Variants in ZNF529 observed in about 807,000 individuals in gnomAD.
The protein encoded by ZNF529 is zinc finger protein 529.
A neutral mutation model predicts 10.1 loss-of-function variants in ZNF529; 11 were observed. That is an observed-to-expected ratio of 1.09 (90% CI 0.69 to 1.81). The LOEUF is 1.81. Ranked by LOEUF, ZNF529 falls within the 40% of genes most tolerant of loss-of-function variation. The pLI, the probability that ZNF529 is intolerant of heterozygous loss-of-function variation, is 0.00. For missense variants in ZNF529, 624 were observed against 666.8 expected (o/e 0.94, Z 0.71); for synonymous variants, 204 against 215.7 (o/e 0.95, Z 0.47).
intron 1 of ZNF529, among the ~76,000 whole-genome samples, chr19:36,600,437 C>T (rs970392616): frequency 5.3e-5 from 8 of 152,130 alleles, no homozygotes; most frequent in Admixed American, 5.2e-4. Context: ...TGTACTTTTG[C>T]TCACAAATAT....
chr19:36,583,420 A>G (rs2036513860), intron 2 of ZNF529, among the ~76,000 whole-genome samples: 1 of 152,110 alleles, frequency 6.6e-6, no homozygotes, highest in South Asian at 2.1e-4. Flanking sequence ...CTCCACTGAA[A>G]CCCCTGCAAC....
At position 36,546,127 on chromosome 19, in the gene ZNF529, C is replaced by T. The variant is rs1163401768; in HGVS notation, c.*739G>A. The T allele has an allele frequency of 6.7e-6, 1 of 148,860 alleles. No homozygotes were observed. The highest frequency in any genetic ancestry group is 1.5e-5 in the Non-Finnish European group (1 of 67,340). 9.2% of individuals were successfully genotyped at this position (148,860 alleles called of 1,614,324 possible). On this transcript the variant is annotated 3_prime_UTR_variant, in exon 5 of 5. Transcript: ENST00000591340. Reference sequence around the variant, plus strand: ...GTGGGCATATATAGTATACATCACACACATATACATCACACACTATATACA... The same window carrying T: ...GTGGGCATATATAGTATACATCACATACATATACATCACACACTATATACA...
At chr19:36,573,352 C>A, upstream of ZNF529, 1 of 442,064 alleles carries the variant, frequency 2.3e-6, no homozygotes, top group Non-Finnish European at 4.7e-6. Context: ...CTGTGGGAAA[C>A]GTAGTCCAAC....
chr19:36,584,322 A>G (rs903712128), intron 2 of ZNF529, among the ~76,000 whole-genome samples: 1 of 152,190 alleles, frequency 6.6e-6, no homozygotes, highest in African/African-American at 2.4e-5. Context: ...GATGTGAATC[A>G]GCAAAAAGAA....
intron 1 of ZNF529, among the ~76,000 whole-genome samples, chr19:36,602,935 G>GAAAA (rs36003869): frequency 1.5e-5 from 2 of 136,320 alleles, no homozygotes; most frequent in Non-Finnish European, 3.1e-5. Flanking sequence ...CGTCTCAAAA[G>GAAAA]AAAAAAAAAA....
chr19:36,548,089 A>AT lies in ZNF529; in HGVS notation c.468dup (p.Ser157IlefsTer10), dbSNP rs1337373396. ...TGAGTTCTCCGAGGTAAAGTAAGAG[A>AT]TTCATGAGTTTTGTAACTGGGCACA... On this transcript the variant is annotated frameshift_variant, in exon 5 of 5. Transcript: ENST00000591340. LOFTEE classifies it low-confidence loss of function (END_TRUNC). 2 of 1,613,742 alleles carry AT rather than the reference A, an allele frequency of 1.2e-6. No homozygotes were observed. Among genetic ancestry groups the AT allele is most frequent in the African/African-American group, 2.7e-5 (2 of 74,890 alleles).
At chr19:36,566,965 G>A (rs1016733621) in intron 2 of ZNF529, among the ~76,000 whole-genome samples, 8 of 151,368 alleles carry the variant, frequency 5.3e-5, no homozygotes, top group African/African-American at 1.7e-4. Flanking sequence ...GCAGTGAGCC[G>A]AGATCGCGCC....
rs2035013151 is a variant in ZNF529 at position 36,546,206 on chromosome 19, C to T, written c.*660G>A. 7.0e-6 allele frequency: 1 copy of T among 143,884 alleles called. No individual in the cohort carries two copies. Among genetic ancestry groups the T allele is most frequent in the South Asian group, 2.2e-4 (1 of 4,468 alleles). 8.9% of individuals were successfully genotyped at this position (143,884 alleles called of 1,614,324 possible). A position where few individuals can be genotyped will look rare whatever the true frequency, so the allele number is the denominator to read the frequency against. ...ATACATCACACATACACTATATACA[C>T]TATATGTGTATATACACTATATGTA... On this transcript the variant is annotated 3_prime_UTR_variant, in exon 5 of 5. Transcript: ENST00000591340.
intron 1 of ZNF529, among the ~76,000 whole-genome samples, chr19:36,600,024 G>A (rs990533780): frequency 1.3e-4 from 20 of 151,930 alleles, no homozygotes; most frequent in African/African-American, 4.4e-4. Context: ...ATGTGCCACC[G>A]TGCCCAGCTA....
At chr19:36,557,177 T>G (rs2035509378) in intron 2 of ZNF529, among the ~76,000 whole-genome samples, 1 of 152,158 alleles carries the variant, frequency 6.6e-6, no homozygotes, top group Admixed American at 6.5e-5. Context: ...GTCAGGGAGA[T>G]GCTCAAAGAC....
chr19:36,572,069 T>A lies in ZNF529; in HGVS notation c.14+264A>T, dbSNP rs563848899. On this transcript the variant is annotated intron_variant, in intron 2 of 4. Transcript: ENST00000591340. ...GTGCCATTCTACTTAATCACTCGTC[T>A]CCTCCTTAACAAATTACATTCTAAA... is the stretch of plus-strand genomic sequence containing the variant. Among the ~76,000 whole-genome samples, 7 of 147,998 alleles carry A rather than the reference T, an allele frequency of 4.7e-5. No individual in the cohort carries two copies. The East Asian group carries it at 1.2e-3, about 25-fold the overall frequency.
At position 36,547,630 on chromosome 19, in the gene ZNF529, A is replaced by G. The variant is rs1417571614; in HGVS notation, c.928T>C (p.Tyr310His). Residue 310 changes from tyrosine to histidine, a missense_variant, in exon 5 of 5, where the codon TAC becomes CAC. Transcript: ENST00000591340. ...HQKIHTDEKT[Y>H]KCMECGKDFR... is the part of the protein sequence containing the mutation. ...TCCTTGCCACATTCCATACATTTGT[A>G]AGTTTTCTCATCAGTATGGATTTTC... 1 of 1,613,750 alleles carries G rather than the reference A, an allele frequency of 6.2e-7. No homozygotes were observed. The highest frequency in any genetic ancestry group is 8.5e-7 in the Non-Finnish European group (1 of 1,179,746).
chr19:36,549,643 C>A (rs2035185979), intron 4 of ZNF529, among the ~76,000 whole-genome samples: 1 of 152,144 alleles, frequency 6.6e-6, no homozygotes, highest in African/African-American at 2.4e-5. Context: ...ATATTGTCCA[C>A]CACTATTGCT....
chr19:36,568,017 C>T (rs2035961423), intron 2 of ZNF529, among the ~76,000 whole-genome samples: 1 of 152,124 alleles, frequency 6.6e-6, no homozygotes, highest in Non-Finnish European at 1.5e-5. Flanking sequence ...CTTCAGTAGA[C>T]ATTTCTTCAT....
chr19:36,560,969 ACCAAGGG>A (rs2035669154), intron 2 of ZNF529, among the ~76,000 whole-genome samples: 1 of 152,202 alleles, frequency 6.6e-6, no homozygotes, highest in Non-Finnish European at 1.5e-5. Flanking sequence ...AGGAAAGTAA[ACCAAGGG>A]TGTGACCAAG....
chr19:36,591,081 C>A (rs888187856), intron 1 of ZNF529, among the ~76,000 whole-genome samples: 3 of 151,714 alleles, frequency 2.0e-5, no homozygotes, highest in Admixed American at 2.0e-4. Flanking sequence ...GTGGGCAGGT[C>A]ATGAGGTCAA....
chr19:36,566,971 G>A lies in ZNF529; in HGVS notation c.14+5362C>T, dbSNP rs375872933. ...GCAGAGGTTGCAGTGAGCCGAGATC[G>A]CGCCACTGCATTCCAGCCTGGGCAA... On this transcript the variant is annotated intron_variant, in intron 2 of 4. Coordinates refer to ENST00000591340, the MANE Select transcript of ZNF529 (RefSeq NM_020951.5). Among the ~76,000 whole-genome samples the A allele has an allele frequency of 1.3e-3, 204 of 151,466 alleles. 2 individuals are homozygous for A. The highest frequency in any genetic ancestry group is 4.6e-3 in the African/African-American group (189 of 41,242).
At chr19:36,605,201 G>A (rs1027083378) in exon 1 of ZNF529, 56 of 152,422 alleles carry the variant, frequency 3.7e-4, no homozygotes, top group African/African-American at 1.2e-3. Context: ...AGCCGCAATA[G>A]GGCGGCCGTG....
chr19:36,597,811 T>C (rs1256685814), intron 1 of ZNF529, among the ~76,000 whole-genome samples: 9 of 152,164 alleles, frequency 5.9e-5, no homozygotes, highest in Admixed American at 5.2e-4. Context: ...ACACAGATAT[T>C]GAGTAGAAGA....
Sources: gnomAD v4.1 joint callset for allele counts (sites outside exome capture counted in the v4.1 genomes callset) on GRCh38, gnomAD v4.1.1 for gene constraint, MANE v1.5 for transcripts, NCBI Gene and HGNC (gene_info 2026-07-23, HGNC 2026-07-21) for gene names.